SLC17A6: variants seen among roughly 807,000 people sequenced by gnomAD.
SLC17A6 encodes the protein solute carrier family 17 member 6, also known as vesicular glutamate transporter 2.
SLC17A6 carries 35 observed loss-of-function variants against 67.1 expected under a neutral mutation model. The observed-to-expected ratio is 0.52, with a 90% CI of 0.40 to 0.69. SLC17A6 has a LOEUF of 0.69. SLC17A6 is among the 30% of genes least tolerant of loss of function. The pLI is 0.00. For synonymous variants in SLC17A6, 285 were observed against 252.3 expected, an observed-to-expected ratio of 1.13 and a Z score of -1.23; for missense variants, 588 against 723.9, an observed-to-expected ratio of 0.81 and a Z score of 2.15.
chr11:22,368,415 A>T (rs982776494), intron 7 of SLC17A6, among the ~76,000 whole-genome samples: 7 of 152,214 alleles, frequency 4.6e-5, no homozygotes, highest in African/African-American at 1.7e-4. Context: ...ATAGTAAACA[A>T]TCAGCTTGCT....
intron 3 of SLC17A6, among the ~76,000 whole-genome samples, chr11:22,347,147 T>C (rs4922995): frequency 0.014 from 2,065 of 152,206 alleles, 117 homozygotes; most frequent in Admixed American, 0.11. Flanking sequence ...TGTTGTTTTT[T>C]TCATTGCTAT....
chr11:22,377,363 A>G (rs777976550), intron 11 of SLC17A6, 42 bp from the exon 12 acceptor site: 15 of 1,522,854 alleles, frequency 9.8e-6, no homozygotes, highest in Non-Finnish European at 1.3e-5. Flanking sequence ...CGTTTAAATC[A>G]TGGGGAGTCA....
intron 2 of SLC17A6, 45 bp from the exon 3 acceptor site, chr11:22,343,202 T>C (rs781342358): frequency 2.0e-6 from 3 of 1,507,178 alleles, no homozygotes; most frequent in Admixed American, 1.7e-5. Flanking sequence ...CCTTTGGTAC[T>C]GACTCTACTC....
chr11:22,367,341 G>GA (rs1174237155), intron 7 of SLC17A6, among the ~76,000 whole-genome samples: 1 of 151,228 alleles, frequency 6.6e-6, no homozygotes, highest in Non-Finnish European at 1.5e-5. Flanking sequence ...TAATGAATAA[G>GA]AAAAATCCCA....
intron 3 of SLC17A6, among the ~76,000 whole-genome samples, chr11:22,354,087 C>A (rs1307844531): frequency 6.8e-6 from 1 of 146,546 alleles, no homozygotes; most frequent in African/African-American, 2.5e-5. Flanking sequence ...TATTTTTTTT[C>A]TTCTTTTTTT....
At chr11:22,343,048 C>T (rs1166446739) in intron 2 of SLC17A6, 199 bp from the exon 3 acceptor site, 3 of 639,168 alleles carry the variant, frequency 4.7e-6, no homozygotes, top group Non-Finnish European at 8.4e-6. Context: ...CTATTAATCA[C>T]AATACATTTT....
chr11:22,345,145 G>C (rs1407878573), intron 3 of SLC17A6, among the ~76,000 whole-genome samples: 1 of 151,700 alleles, frequency 6.6e-6, no homozygotes, highest in Non-Finnish European at 1.5e-5. Flanking sequence ...AAAAACACCA[G>C]GGATGCTCCA....
At chr11:22,345,445 G>A (rs1438669358) in intron 3 of SLC17A6, among the ~76,000 whole-genome samples, 2 of 151,492 alleles carry the variant, frequency 1.3e-5, no homozygotes, top group Non-Finnish European at 2.9e-5. Flanking sequence ...CCGAGTAGTG[G>A]GACTACAGGT....
intron 3 of SLC17A6, among the ~76,000 whole-genome samples, chr11:22,350,772 G>T (rs925594203): frequency 2.6e-5 from 4 of 152,096 alleles, no homozygotes; most frequent in Non-Finnish European, 5.9e-5. Context: ...AAGATCTTAA[G>T]TGAAATGAAA....
At position 22,365,603 on chromosome 11, in the gene SLC17A6, G is replaced by A; in HGVS notation, c.805G>A (p.Ala269Thr). Residue 269 changes from alanine (A) to threonine (T), a missense_variant, in exon 7 of 12, where the codon GCA becomes ACA. Physicochemically the swap from Ala to Thr is moderately conservative, Grantham distance 58 (BLOSUM62 0). Transcript: ENST00000263160. The stretch of plus-strand genomic sequence containing the variant: ...GCTTTTGGTGTCTTATGAAAGTCCT[G>A]CAAAGCATCCTACTATTACAGATGA... ...FWLLVSYESP[A>T]KHPTITDEER... The A allele has an allele frequency of 6.2e-7, 1 of 1,613,982 alleles. No homozygotes were observed. Among genetic ancestry groups the A allele is most frequent in the Non-Finnish European group, 8.5e-7 (1 of 1,179,892 alleles).
chr11:22,347,394 C>T (rs1157865984), intron 3 of SLC17A6, among the ~76,000 whole-genome samples: 2 of 152,090 alleles, frequency 1.3e-5, no homozygotes, highest in Non-Finnish European at 2.9e-5. Context: ...AATCAAAGTA[C>T]CTACCTCATG....
At chr11:22,347,770 A>G (rs1042687909) in intron 3 of SLC17A6, among the ~76,000 whole-genome samples, 6 of 152,212 alleles carry the variant, frequency 3.9e-5, no homozygotes, top group African/African-American at 9.6e-5. Context: ...ATAGAGTGCT[A>G]ATGATTCAGT....
At chr11:22,363,834 A>G (rs1225944018) in intron 6 of SLC17A6, among the ~76,000 whole-genome samples, 1 of 152,014 alleles carries the variant, frequency 6.6e-6, no homozygotes, top group African/African-American at 2.4e-5. Flanking sequence ...TATACTCTTC[A>G]TTACATTTTC....
chr11:22,359,061 C>G (rs1191835208), intron 3 of SLC17A6, among the ~76,000 whole-genome samples: 2 of 152,166 alleles, frequency 1.3e-5, no homozygotes, highest in Non-Finnish European at 2.9e-5. Context: ...AAAACAAGCT[C>G]TTACCCTTAA....
chr11:22,359,569 G>A, intron 4 of SLC17A6, 42 bp downstream of exon 4: 1 of 1,282,780 alleles, frequency 7.8e-7, no homozygotes, highest in Non-Finnish European at 1.1e-6. Flanking sequence ...ATTGGCATTT[G>A]GTTGAGAACC....
chr11:22,377,774 G>C lies in SLC17A6; in HGVS notation c.*34G>C. 1 of 1,487,774 alleles carries C rather than the reference G, an allele frequency of 6.7e-7. No homozygotes were observed. The highest frequency in any genetic ancestry group is 9.0e-7 in the Non-Finnish European group (1 of 1,112,048). 92.2% of individuals were successfully genotyped at this position (1,487,774 alleles called of 1,614,324 possible). On this transcript the variant is annotated 3_prime_UTR_variant, in exon 12 of 12. Coordinates refer to ENST00000263160, the MANE Select transcript of SLC17A6 (RefSeq NM_020346.3). ...ATTACTGGATTTATTTTTAGTGTTT[G>C]TGATTAAATTCATTGTGATTGCACA...
intron 8 of SLC17A6, among the ~76,000 whole-genome samples, chr11:22,374,334 A>T (rs991834537): frequency 1.3e-5 from 2 of 152,192 alleles, no homozygotes; most frequent in African/African-American, 4.8e-5. Context: ...TTAAAGTGCA[A>T]ATATGCATTT....
intron 7 of SLC17A6, among the ~76,000 whole-genome samples, chr11:22,366,999 C>G (rs1457045199): frequency 8.9e-6 from 1 of 112,720 alleles, no homozygotes; most frequent in Non-Finnish European, 1.8e-5. Flanking sequence ...AACAAGACTC[C>G]GTCTCGAAAA....
intron 7 of SLC17A6, among the ~76,000 whole-genome samples, chr11:22,368,647 T>A (rs938808203): frequency 4.6e-5 from 7 of 152,074 alleles, no homozygotes; most frequent in Non-Finnish European, 1.5e-5. Flanking sequence ...AAAGTTCTTT[T>A]ACTTTTAATA....
Sources: gnomAD v4.1 joint callset for allele counts (sites outside exome capture counted in the v4.1 genomes callset) on GRCh38, gnomAD v4.1.1 for gene constraint, MANE v1.5 for transcripts, NCBI Gene and HGNC (gene_info 2026-07-23, HGNC 2026-07-21) for gene names.